Variants in GRM5 observed in about 807,000 individuals in gnomAD.
GRM5 encodes the protein metabotropic glutamate receptor 5.
GRM5 carries 19 observed loss-of-function variants against 83.1 expected under a neutral mutation model. The observed-to-expected ratio is 0.23, with a 90% confidence interval of 0.16 to 0.34. The LOEUF (loss-of-function observed/expected upper bound fraction) is 0.34, where lower values mean the gene tolerates loss of function less well. Ranked by LOEUF, GRM5 falls within the 10% of genes least tolerant of loss-of-function variation. GRM5 has a pLI of 1.00. For missense variants in GRM5, 1,160 were observed against 1,588.3 expected, an observed-to-expected ratio of 0.73 and a Z score of 4.58; for synonymous variants, 675 against 633.6, an observed-to-expected ratio of 1.07 and a Z score of -0.98.
Position 88,648,598 on chromosome 11 carries a change from A to G in GRM5, c.1147+4570T>C, listed in dbSNP as rs576650128. On this transcript the variant is annotated intron_variant, in intron 4 of 9. Transcript: ENST00000305447. ...CAGTGCACCAGCATGGCACATGTAT[A>G]CATATGTAACTAACCTGCACAATGT... Among the ~76,000 whole-genome samples, 32 of 146,110 alleles carry G rather than the reference A, an allele frequency of 2.2e-4. No individual in the cohort carries two copies. In the East Asian group the frequency reaches 5.1e-3, roughly 23 times the overall value.
chr11:88,932,020 C>A (rs631200), intron 2 of GRM5, among the ~76,000 whole-genome samples: 148,714 of 152,166 alleles, frequency 0.98, 72,763 homozygotes, highest in East Asian at 1. Flanking sequence ...AAGATTGACC[C>A]GTCTCATCAA....
intron 3 of GRM5, among the ~76,000 whole-genome samples, chr11:88,733,484 C>A (rs190042449): frequency 6.6e-6 from 1 of 152,086 alleles, no homozygotes; most frequent in East Asian, 1.9e-4. Context: ...TCTGAATTAT[C>A]TCTTTTCAAT....
intron 7 of GRM5, among the ~76,000 whole-genome samples, chr11:88,580,571 C>A (rs1015490264): frequency 6.6e-6 from 1 of 152,082 alleles, no homozygotes; most frequent in Non-Finnish European, 1.5e-5. Flanking sequence ...CCTTTTTTAT[C>A]AGGGACAATG....
intron 3 of GRM5, among the ~76,000 whole-genome samples, chr11:88,803,379 C>T (rs1195089812): frequency 1.3e-5 from 2 of 152,056 alleles, no homozygotes; most frequent in Non-Finnish European, 2.9e-5. Flanking sequence ...AGAAATAACA[C>T]CGCATATCTA....
chr11:88,750,087 A>G (rs1211541005), intron 3 of GRM5, among the ~76,000 whole-genome samples: 1 of 152,204 alleles, frequency 6.6e-6, no homozygotes, highest in Non-Finnish European at 1.5e-5. Flanking sequence ...ACATATATCA[A>G]TACTAACCTT....
At chr11:88,842,052 G>A (rs1944213129) in intron 3 of GRM5, among the ~76,000 whole-genome samples, 1 of 152,026 alleles carries the variant, frequency 6.6e-6, no homozygotes, top group African/African-American at 2.4e-5. Flanking sequence ...GTAAATCTTT[G>A]TTTTCTCTTA....
chr11:88,552,558 C>T (rs1315420483), intron 8 of GRM5, among the ~76,000 whole-genome samples: 1 of 152,122 alleles, frequency 6.6e-6, no homozygotes, highest in African/African-American at 2.4e-5. Flanking sequence ...CTGAGTGCAT[C>T]TTGGGCAGAA....
intron 2 of GRM5, among the ~76,000 whole-genome samples, chr11:88,928,234 T>G (rs1210437183): frequency 6.6e-6 from 1 of 152,074 alleles, no homozygotes; most frequent in East Asian, 1.9e-4. Context: ...AATTCTGGGT[T>G]TTAATTGTAA....
chr11:88,780,505 A>G (rs1172724396), intron 3 of GRM5, among the ~76,000 whole-genome samples: 1 of 152,136 alleles, frequency 6.6e-6, no homozygotes, highest in Non-Finnish European at 1.5e-5. Context: ...AATCTTCTCA[A>G]CTGAAAAATG....
chr11:89,049,561 G>T (rs1258072560), intron 1 of GRM5, among the ~76,000 whole-genome samples: 1 of 152,154 alleles, frequency 6.6e-6, no homozygotes, highest in Non-Finnish European at 1.5e-5. Flanking sequence ...TCTACAAAAA[G>T]TTAAGTCCAG....
At chr11:88,682,813 T>C (rs1391916970) in intron 3 of GRM5, among the ~76,000 whole-genome samples, 2 of 152,266 alleles carry the variant, frequency 1.3e-5, no homozygotes, top group Non-Finnish European at 2.9e-5. Flanking sequence ...ATGGACTTTT[T>C]CCCTCCTTTC....
At chr11:88,770,391 A>G (rs1028263509) in intron 3 of GRM5, among the ~76,000 whole-genome samples, 7 of 152,124 alleles carry the variant, frequency 4.6e-5, no homozygotes, top group Non-Finnish European at 1.0e-4. Flanking sequence ...CAAATATACT[A>G]CACTAATGTA....
intron 3 of GRM5, among the ~76,000 whole-genome samples, chr11:88,750,549 A>T (rs747527065): frequency 4.6e-5 from 7 of 152,202 alleles, no homozygotes; most frequent in Non-Finnish European, 1.0e-4. Context: ...TAACAAAGAT[A>T]TGCAGGATCT....
chr11:88,726,139 G>A (rs1941674485), intron 3 of GRM5, among the ~76,000 whole-genome samples: 1 of 151,984 alleles, frequency 6.6e-6, no homozygotes, highest in Admixed American at 6.6e-5. Context: ...TAAGAACCTT[G>A]AAAAAAGATG....
At chr11:88,862,214 T>C (rs1944577618) in intron 2 of GRM5, among the ~76,000 whole-genome samples, 1 of 152,180 alleles carries the variant, frequency 6.6e-6, no homozygotes, top group African/African-American at 2.4e-5. Context: ...ATCACTTACA[T>C]GGTTTTTGGG....
intron 4 of GRM5, among the ~76,000 whole-genome samples, chr11:88,631,917 A>G (rs908569005): frequency 1.2e-4 from 18 of 152,194 alleles, no homozygotes; most frequent in Non-Finnish European, 1.2e-4. Flanking sequence ...GGATTATTTT[A>G]TGTTTTATAG....
rs540260805 is a variant in GRM5, at chr11:88,775,778, A to G, written c.911+74128T>C. 1.2e-4 allele frequency among the ~76,000 whole-genome samples: 18 copies of G among 152,288 alleles called. 1 individual carries two copies. The South Asian group carries it at 3.5e-3, about 30-fold the overall frequency. On this transcript the variant is annotated intron_variant, in intron 3 of 9. Transcript: ENST00000305447. ...AGTGAGTTTATTAATCCTGAGTACT[A>G]ATTTGATTGCACTGTGGTCTGAGAG...
intron 2 of GRM5, among the ~76,000 whole-genome samples, chr11:89,036,012 C>G (rs1941375858): frequency 6.6e-6 from 1 of 151,952 alleles, no homozygotes; most frequent in African/African-American, 2.4e-5. Context: ...CTGCTTGTAC[C>G]TATTTTTTTC....
chr11:88,806,781 A>G (rs1397340920), intron 3 of GRM5, among the ~76,000 whole-genome samples: 2 of 152,096 alleles, frequency 1.3e-5, no homozygotes, highest in African/African-American at 4.8e-5. Context: ...TATCCTGTGA[A>G]ACTTTCCCCA....
Sources: allele counts gnomAD v4.1 joint callset (sites outside exome capture counted in the v4.1 genomes callset), GRCh38; gene constraint gnomAD v4.1.1; transcripts MANE v1.5; gene names NCBI Gene and HGNC (gene_info 2026-07-23, HGNC 2026-07-21).